CENPH: variants seen among roughly 807,000 people sequenced by gnomAD.
CENPH encodes the protein CENP-H.
CENPH carries 40 observed loss-of-function variants against 42.9 expected under a neutral mutation model. The ratio of observed to expected loss-of-function variants is 0.93; its 90% CI spans 0.72 to 1.21. The LOEUF (loss-of-function observed/expected upper bound fraction) is 1.21, where lower values mean the gene tolerates loss of function less well. CENPH is among the 50% of genes most tolerant of loss of function. The probability of loss-of-function intolerance (pLI) is 0.00; values close to 1 mark genes in which losing one functional copy is unlikely to be tolerated. For synonymous variants in CENPH, 88 were observed against 96.5 expected (o/e 0.91, Z 0.52); for missense variants, 302 against 292.9 (o/e 1.03, Z -0.23).
At chr5:69,193,812 C>T (rs542587464) in intron 2 of CENPH, among the ~76,000 whole-genome samples, 1 of 151,682 alleles carries the variant, frequency 6.6e-6, no homozygotes, top group Non-Finnish European at 1.5e-5. Context: ...CCACCATGGC[C>T]GGCTAATTTT....
In CENPH at chr5:69,208,289, G is replaced by C. The variant is rs774650504; in HGVS notation, c.581G>C (p.Arg194Thr). ...IDLDSMENSERIKIIRQNLQM... is the reference protein window; with the variant it reads ...IDLDSMENSETIKIIRQNLQM... Reference sequence around the variant, plus strand: ...TTGGACAGTATGGAAAACTCAGAGAGGATAAAGATCATACGACAAAACCTA... The same window carrying C: ...TTGGACAGTATGGAAAACTCAGAGACGATAAAGATCATACGACAAAACCTA... Residue 194 changes from arginine (R) to threonine (T), a missense_variant, in exon 8 of 9, where the codon AGG (arginine) becomes ACG (threonine). Coordinates refer to ENST00000283006, the MANE Select transcript of CENPH (RefSeq NM_022909.4). The C allele has an allele frequency of 6.3e-7, 1 of 1,598,220 alleles. No individual in the cohort carries two copies. Among genetic ancestry groups the C allele is most frequent in the East Asian group, 2.2e-5 (1 of 44,736 alleles).
intron 8 of CENPH, among the ~76,000 whole-genome samples, chr5:69,208,602 G>A (rs75093994): frequency 0.038 from 5,749 of 152,000 alleles, 400 homozygotes; most frequent in African/African-American, 0.13. Context: ...TAGGTGATCC[G>A]TCTGCCTCAG....
Position 69,198,384 on chromosome 5 carries a change from G to A in CENPH, c.371+1275G>A, listed in dbSNP as rs984844965. Among the ~76,000 whole-genome samples, 19 of 151,674 alleles carry A rather than the reference G, an allele frequency of 1.3e-4. No homozygotes were observed. In the East Asian group the frequency reaches 1.9e-3, roughly 16 times the overall value. Reference sequence around the variant, plus strand: ...AGCTCACTCCAACCTCCATCTCTGCGGTTCAAGCAATTCTCGTGCCTCAGC... The same window carrying A: ...AGCTCACTCCAACCTCCATCTCTGCAGTTCAAGCAATTCTCGTGCCTCAGC... On this transcript the variant is annotated intron_variant, in intron 5 of 8. Transcript: ENST00000283006.
At chr5:69,204,597 CTTTTTTTTTT>C (rs530678541) in intron 7 of CENPH, among the ~76,000 whole-genome samples, 2 of 69,594 alleles carry the variant, frequency 2.9e-5, no homozygotes, top group Admixed American at 2.4e-4. Flanking sequence ...GCTTGTATTT[CTTTTTTTTTT>C]TTTTTTTTTT....
chr5:69,204,494 T>A (rs576620002), intron 7 of CENPH, among the ~76,000 whole-genome samples: 2 of 151,926 alleles, frequency 1.3e-5, no homozygotes, highest in South Asian at 4.2e-4. Context: ...CTTGCTGTGT[T>A]ACCCAGGTTT....
chr5:69,204,052 TA>T (rs1187081274), intron 7 of CENPH, among the ~76,000 whole-genome samples: 1 of 61,102 alleles, frequency 1.6e-5, no homozygotes, highest in African/African-American at 6.9e-5. Flanking sequence ...ATTTATATAT[TA>T]TATATATAAA....
At chr5:69,191,236 G>A (rs563779289) in intron 1 of CENPH, among the ~76,000 whole-genome samples, 2 of 152,264 alleles carry the variant, frequency 1.3e-5, no homozygotes, top group Admixed American at 1.3e-4. Flanking sequence ...TAAGCGGCCG[G>A]GTGCGGTGGC....
intron 5 of CENPH, chr5:69,197,498 T>C (rs1318637403): frequency 6.4e-6 from 1 of 155,314 alleles, no homozygotes; most frequent in Non-Finnish European, 1.4e-5. Flanking sequence ...GATCCAACAA[T>C]TTTCCAAGGG....
chr5:69,190,141 A>C (rs1026060764), intron 1 of CENPH, among the ~76,000 whole-genome samples: 2 of 152,016 alleles, frequency 1.3e-5, no homozygotes, highest in Admixed American at 1.3e-4. Context: ...TAGAACTACG[A>C]CCCTTTGTAA....
chr5:69,196,181 C>T (rs1747961118), intron 4 of CENPH, among the ~76,000 whole-genome samples: 1 of 151,930 alleles, frequency 6.6e-6, no homozygotes, highest in Admixed American at 6.6e-5. Flanking sequence ...AGGCGATCTT[C>T]TCACCTCAGC....
chr5:69,194,706 T>C lies in CENPH; in HGVS notation c.239+11T>C. 2 of 1,540,658 alleles carry C rather than the reference T, an allele frequency of 1.3e-6. No homozygotes were observed. Among genetic ancestry groups the C allele is most frequent in the Non-Finnish European group, 1.8e-6 (2 of 1,129,420 alleles). On this transcript the variant is annotated intron_variant, in intron 3 of 8. Transcript: ENST00000283006. ...AAAGCAAATCGAAGCGTATGTTATA[T>C]TTAAAAATTTTGTTTATGGTCTTTA... is the stretch of plus-strand genomic sequence containing the variant.
chr5:69,192,731 T>G (rs1296993905), intron 2 of CENPH, among the ~76,000 whole-genome samples: 1 of 152,118 alleles, frequency 6.6e-6, no homozygotes, highest in Non-Finnish European at 1.5e-5. Context: ...TGTACTCCAC[T>G]CCACTGGGCA....
At position 69,209,874 on chromosome 5, in the gene CENPH, C is replaced by G. The variant is rs1190934775; in HGVS notation, c.*75C>G. Reference sequence around the variant, plus strand: ...ATTTGGAATACTTCTGTGCATTTGTCTGTCCACCGTAATTTTAGAAAAGCA... The same window carrying G: ...ATTTGGAATACTTCTGTGCATTTGTGTGTCCACCGTAATTTTAGAAAAGCA... On this transcript the variant is annotated 3_prime_UTR_variant, in exon 9 of 9. Coordinates refer to ENST00000283006, the MANE Select transcript of CENPH (RefSeq NM_022909.4). The G allele has an allele frequency of 2.4e-6, 2 of 829,020 alleles. No individual in the cohort carries two copies. Among genetic ancestry groups the G allele is most frequent in the African/African-American group, 3.4e-5 (2 of 59,416 alleles). The allele number at this position is 829,020 out of a possible 1,614,324, so 51.4% of individuals were successfully genotyped here. A position where few individuals can be genotyped will look rare whatever the true frequency, so the allele number is the denominator to read the frequency against.
intron 5 of CENPH, among the ~76,000 whole-genome samples, chr5:69,201,913 G>A (rs1033507990): frequency 2.0e-5 from 3 of 152,104 alleles, no homozygotes; most frequent in Non-Finnish European, 2.9e-5. Flanking sequence ...TGTAAAATCC[G>A]GACTTTGGGT....
In CENPH at chr5:69,205,702, C is replaced by CTTTT. The variant is rs1158243799; in HGVS notation, c.488-2473_488-2470dup. Among the ~76,000 whole-genome samples, 662 of 77,092 alleles carry CTTTT rather than the reference C, an allele frequency of 8.6e-3. 13 individuals are homozygous for CTTTT. The highest frequency in any genetic ancestry group is 0.016 in the African/African-American group (293 of 18,462). The allele number at this position is 77,092 out of a possible 152,430, so 50.6% of individuals were successfully genotyped here. On this transcript the variant is annotated intron_variant, in intron 7 of 8. Transcript: ENST00000283006. ...CTAATTGTTTTTTTTCTGTAGATAT[C>CTTTT]TTTTTTTTTTTTTTTTTTTTTTTTG...
intron 5 of CENPH, chr5:69,197,330 C>G (rs555182985): frequency 2.6e-6 from 1 of 377,434 alleles, no homozygotes; most frequent in Middle Eastern, 6.8e-4. Flanking sequence ...AAGAGTTTAT[C>G]CAGAAGATTG....
intron 5 of CENPH, among the ~76,000 whole-genome samples, chr5:69,200,221 G>A (rs560966863): frequency 6.6e-6 from 1 of 152,008 alleles, no homozygotes; most frequent in African/African-American, 2.4e-5. Flanking sequence ...GATGCAACTG[G>A]AATGCCATTA....
chr5:69,197,075 A>T lies in CENPH; in HGVS notation c.337A>T (p.Lys113Ter). The T allele has an allele frequency of 6.4e-7, 1 of 1,568,252 alleles. No individual in the cohort carries two copies. The highest frequency in any genetic ancestry group is 8.6e-7 in the Non-Finnish European group (1 of 1,161,046). ...LDRMRLSTAL[K>*]KNLEKISRQS... ...TAGGATGAGACTTTCAACTGCACTT[A>T]AAAAAAACCTGGAGAAAATTAGCAG... The change falls in exon 5 of 9, where the codon AAA becomes TAA. Residue 113 changes from lysine (K) to a stop codon, truncating the protein, a stop_gained. Transcript: ENST00000283006. LOFTEE classifies it high-confidence loss of function.
intron 5 of CENPH, among the ~76,000 whole-genome samples, chr5:69,200,719 C>CTTT (rs70992906): frequency 0.029 from 1,338 of 46,852 alleles, 425 homozygotes; most frequent in East Asian, 0.044. Context: ...ATCAGCGTAT[C>CTTT]TTTTTTTTTT....
Sources: gnomAD v4.1 joint callset for allele counts (sites outside exome capture counted in the v4.1 genomes callset) on GRCh38, gnomAD v4.1.1 for gene constraint, MANE v1.5 for transcripts, NCBI Gene and HGNC (gene_info 2026-07-23, HGNC 2026-07-21) for gene names.